RPS4X: variants seen among roughly 807,000 people sequenced by gnomAD.
The protein encoded by RPS4X is small ribosomal subunit protein eS4, X isoform.
For synonymous variants in RPS4X, 76 were observed against 76.8 expected (o/e 0.99, Z 0.06); for missense variants, 90 against 219.1 (o/e 0.41, Z 3.72).
chrX:72,276,196 A>T lies in RPS4X; in HGVS notation c.42T>A (p.Ala14=). ...ATTTATCCAGCATCCAATGCTTTGG[A>T]GCTGCCACCCGCTTCAGATGCTTCT... ...GPKKHLKRVA[A]PKHWMLDKLT... Residue 14 remains alanine, a synonymous_variant, in exon 2 of 7, where the codon GCT becomes GCA. Coordinates refer to ENST00000316084, the MANE Select transcript of RPS4X (RefSeq NM_001007.5). The T allele has an allele frequency of 8.3e-7, 1 of 1,210,532 alleles. No homozygotes were observed. The highest frequency in any genetic ancestry group is 1.1e-6 in the Non-Finnish European group (1 of 894,577).
chrX:72,272,658 C>A lies in RPS4X; in HGVS notation c.*13G>T, dbSNP rs780058676. The A allele has an allele frequency of 8.9e-7, 1 of 1,126,198 alleles. No homozygotes were observed. Among genetic ancestry groups the A allele is most frequent in the Admixed American group, 2.2e-5 (1 of 45,433 alleles). The allele number at this position is 1,126,198 out of a possible 1,213,427, so 92.8% of individuals were successfully genotyped here. A position where few individuals can be genotyped will look rare whatever the true frequency, so the allele number is the denominator to read the frequency against. On this transcript the variant is annotated 3_prime_UTR_variant, in exon 7 of 7. Transcript: ENST00000316084. ...TACGTACAAAGATCTGACATGTCAC[C>A]CAGGGACCCATTTCACCCACTGCTC... is the stretch of plus-strand genomic sequence containing the variant.
At chrX:72,276,103 C>A in intron 2 of RPS4X, 54 bp downstream of exon 2, 1 of 1,024,398 alleles carries the variant, frequency 9.8e-7, no homozygotes, top group Non-Finnish European at 1.4e-6. Flanking sequence ...CCAAATGAGT[C>A]CTGGGAGACA....
At chrX:72,275,232 A>T in intron 3 of RPS4X, 82 bp from the exon 4 acceptor site, 3 of 622,346 alleles carry the variant, frequency 4.8e-6, no homozygotes, top group Non-Finnish European at 7.7e-6. Flanking sequence ...TCTCTACGAA[A>T]CAAAAAGAAC....
intron 5 of RPS4X, 94 bp from the exon 6 acceptor site, chrX:72,273,483 C>T (rs767114119): frequency 1.1e-6 from 1 of 885,456 alleles, no homozygotes; most frequent in Non-Finnish European, 1.5e-6. Context: ...TCCTTTCCCC[C>T]CATTTGAATT....
rs192329841 is a variant in RPS4X, at chrX:72,274,751, G to T, written c.360+302C>A. ...GACTCTTAAGAGACACCAGGAAGTC[G>T]CGGTTCAACTGGAATTCATTTCTAC... is the stretch of plus-strand genomic sequence containing the variant. On this transcript the variant is annotated intron_variant, in intron 4 of 6. Transcript: ENST00000316084. The T allele has an allele frequency of 4.4e-4, 107 of 241,908 alleles. 1 individual carries two copies. The highest frequency in any genetic ancestry group is 2.9e-3 in the Middle Eastern group (2 of 691). 19.9% of individuals were successfully genotyped at this position (241,908 alleles called of 1,213,427 possible).
intron 1 of RPS4X, 29 bp downstream of exon 1, chrX:72,277,164 C>A (rs770041664): frequency 1.1e-4 from 131 of 1,208,945 alleles, no homozygotes; most frequent in Non-Finnish European, 1.4e-4. Flanking sequence ...GCGGATACGT[C>A]CTAAGAGCTC....
At position 72,276,145 on chromosome X, in the gene RPS4X, TA is replaced by T. The variant is rs746747846; in HGVS notation, c.81+11del. The T allele has an allele frequency of 5.9e-4, 696 of 1,187,963 alleles. No homozygotes were observed. The highest frequency in any genetic ancestry group is 7.7e-4 in the Non-Finnish European group (675 of 875,724). On this transcript the variant is annotated intron_variant, in intron 2 of 6. Transcript: ENST00000316084. ...AACAGTGGCCACGGAAATATTTATA[TA>T]AGATACTTACAAACACACCGGTCAA...
In RPS4X at chrX:72,274,620, G is replaced by A; in HGVS notation, c.360+433C>T. On this transcript the variant is annotated intron_variant, in intron 4 of 6. Transcript: ENST00000316084. ...TCAAGGACTGTCTGTTTCCTCCATC[G>A]ACACCTTCCCCTCCCCAAAGTAAAG... The A allele has an allele frequency of 1.2e-5, 3 of 253,847 alleles. No individual in the cohort carries two copies. The South Asian group carries it at 1.4e-4, about 11-fold the overall frequency. The allele number at this position is 253,847 out of a possible 1,213,427, so 20.9% of individuals were successfully genotyped here.
chrX:72,274,199 T>TTATGGGAAACTGGGAA (rs2043192550), intron 4 of RPS4X: 2 of 412,667 alleles, frequency 4.8e-6, no homozygotes, highest in Non-Finnish European at 8.7e-6. Flanking sequence ...TCCCAGGCTC[T>TTATGGGAAACTGGGAA]TTAAGCCTTA....
rs774926516 is a variant in RPS4X at position 72,272,776 on chromosome X, G to A, written c.691-4C>T. 19 of 1,181,115 alleles carry A rather than the reference G, an allele frequency of 1.6e-5. No individual in the cohort carries two copies. In the East Asian group the frequency reaches 3.6e-4, roughly 22 times the overall value. On this transcript the variant is annotated splice_polypyrimidine_tract_variant and splice_region_variant and intron_variant, in intron 6 of 6. Coordinates refer to ENST00000316084, the MANE Select transcript of RPS4X (RefSeq NM_001007.5). ...GAGAAATCCATGGTTTGTTGCCCTGGAAGAGAAAACAAGCAGAATCAAAAC... is the reference window on the plus strand; with the variant it reads ...GAGAAATCCATGGTTTGTTGCCCTGAAAGAGAAAACAAGCAGAATCAAAAC...
Position 72,272,650 on chromosome X carries a change from C to T in RPS4X, c.*21G>A, listed in dbSNP as rs1051137585. 3.7e-6 allele frequency: 4 copies of T among 1,069,814 alleles called. No individual in the cohort carries two copies. The African/African-American group carries it at 7.3e-5, about 20-fold the overall frequency. 88.2% of individuals were successfully genotyped at this position (1,069,814 alleles called of 1,213,427 possible). On this transcript the variant is annotated 3_prime_UTR_variant, in exon 7 of 7. Coordinates refer to ENST00000316084, the MANE Select transcript of RPS4X (RefSeq NM_001007.5). ...TTTTTAATTACGTACAAAGATCTGA[C>T]ATGTCACCCAGGGACCCATTTCACC...
chrX:72,276,804 TAA>T (rs2043206424), intron 1 of RPS4X, among the ~76,000 whole-genome samples: 1 of 112,337 alleles, frequency 8.9e-6, no homozygotes, highest in Non-Finnish European at 1.9e-5. Context: ...CCACGTATGG[TAA>T]AGTCAGGCCG....
Position 72,272,543 on chromosome X carries a change from G to A in RPS4X, c.*128C>T, listed in dbSNP as rs1262599145. Reference sequence around the variant, plus strand: ...GCCTGAGAACTTAATCACTGTTCATGTTATACAGTAAAATAGCAGGAAACT... The same window carrying A: ...GCCTGAGAACTTAATCACTGTTCATATTATACAGTAAAATAGCAGGAAACT... On this transcript the variant is annotated 3_prime_UTR_variant, in exon 7 of 7. Coordinates refer to ENST00000316084, the MANE Select transcript of RPS4X (RefSeq NM_001007.5). 2 of 462,799 alleles carry A rather than the reference G, an allele frequency of 4.3e-6. No homozygotes were observed. Among genetic ancestry groups the A allele is most frequent in the Non-Finnish European group, 3.7e-6 (1 of 269,588 alleles). The allele number at this position is 462,799 out of a possible 1,213,427, so 38.1% of individuals were successfully genotyped here.
intron 5 of RPS4X, among the ~76,000 whole-genome samples, 169 bp downstream of exon 5, chrX:72,273,628 AAAAC>A (rs1338594999): frequency 1.8e-5 from 2 of 111,715 alleles, no homozygotes; most frequent in East Asian, 2.8e-4. Flanking sequence ...TCCTCTATAA[AAAAC>A]AAACAATTTA....
At chrX:72,273,484 C>A in intron 5 of RPS4X, 95 bp from the exon 6 acceptor site, 13 of 885,144 alleles carry the variant, frequency 1.5e-5, no homozygotes, top group Non-Finnish European at 2.0e-5. Context: ...CCTTTCCCCC[C>A]ATTTGAATTT....
rs750256118 is a variant in RPS4X at position 72,275,849 on chromosome X, C to T, written c.82-125G>A. 1,396 of 570,617 alleles carry T rather than the reference C, an allele frequency of 2.4e-3. 3 individuals carry two copies. The highest frequency in any genetic ancestry group is 3.6e-3 in the Non-Finnish European group (1,279 of 358,848). 47.0% of individuals were successfully genotyped at this position (570,617 alleles called of 1,213,427 possible). ...ATATTACACCCAACTTGGACTTTTA[C>T]ACAGGAGGTGTAAAAAGCATCCAAA... On this transcript the variant is annotated intron_variant, in intron 2 of 6. Coordinates refer to ENST00000316084, the MANE Select transcript of RPS4X (RefSeq NM_001007.5).
At chrX:72,274,271 G>A (rs1042728262) in intron 4 of RPS4X, 6 of 348,511 alleles carry the variant, frequency 1.7e-5, no homozygotes, top group Non-Finnish European at 2.7e-5. Flanking sequence ...TGTACATCAC[G>A]ACTGAGTTTT....
intron 4 of RPS4X, 187 bp from the exon 5 acceptor site, chrX:72,274,159 C>T: frequency 2.3e-6 from 1 of 443,040 alleles, no homozygotes; most frequent in East Asian, 3.9e-5. Flanking sequence ...CATTGCCCTC[C>T]ACTCCTCCAA....
At chrX:72,273,994 C>T (rs757351651) in intron 4 of RPS4X, 22 bp from the exon 5 acceptor site, 3 of 1,192,295 alleles carry the variant, frequency 2.5e-6, no homozygotes, top group Admixed American at 4.4e-5. Context: ...CAAGGGTTAG[C>T]CACATTCAAT....
Sources: allele counts gnomAD v4.1 joint callset (sites outside exome capture counted in the v4.1 genomes callset), GRCh38; gene constraint gnomAD v4.1.1; transcripts MANE v1.5; gene names NCBI Gene and HGNC (gene_info 2026-07-23, HGNC 2026-07-21).